The following ERBB4 variants were observed in gnomAD, a reference collection of about 807,000 sequenced individuals.
ERBB4 encodes the protein erb-b2 receptor tyrosine kinase 4.
Under a neutral mutation model 158.0 loss-of-function variants are expected in ERBB4, and 42 were observed. The ratio of observed to expected loss-of-function variants is 0.27; its 90% CI spans 0.21 to 0.34. The LOEUF (loss-of-function observed/expected upper bound fraction) is 0.34. Ranked by LOEUF, ERBB4 falls within the 10% of genes least tolerant of loss-of-function variation. The pLI is 1.00. For synonymous variants in ERBB4, 583 were observed against 558.7 expected (o/e 1.04, Z -0.61); for missense variants, 1,333 against 1,624.1 (o/e 0.82, Z 3.08).
At chr2:212,171,439 T>A (rs2081515948) in intron 1 of ERBB4, among the ~76,000 whole-genome samples, 1 of 152,042 alleles carries the variant, frequency 6.6e-6, no homozygotes, top group Non-Finnish European at 1.5e-5. Flanking sequence ...TCCAGGGGAC[T>A]CTTTGGAAGG....
intron 1 of ERBB4, among the ~76,000 whole-genome samples, chr2:212,525,204 ATAAACAG>A (rs955948563): frequency 1.3e-5 from 2 of 152,088 alleles, no homozygotes; most frequent in Non-Finnish European, 2.9e-5. Flanking sequence ...AAAGAAAAAA[ATAAACAG>A]TAAAGTTATT....
At chr2:212,452,601 T>A (rs1487315442) in intron 1 of ERBB4, among the ~76,000 whole-genome samples, 1 of 152,166 alleles carries the variant, frequency 6.6e-6, no homozygotes, top group African/African-American at 2.4e-5. Context: ...ATCATTTTAA[T>A]GCACTCAGAC....
intron 3 of ERBB4, among the ~76,000 whole-genome samples, chr2:211,927,922 C>T (rs549855319): frequency 3.3e-5 from 5 of 152,102 alleles, no homozygotes; most frequent in African/African-American, 9.6e-5. Flanking sequence ...TCTCAAAAAA[C>T]AGCTTAATCT....
In ERBB4 at chr2:211,896,492, T is replaced by C. The variant is rs547004568; in HGVS notation, c.421+50938A>G. ...ACTGCTGTCATCCTGGTCCAAGATG[T>C]CCTCCTCTCTGATTTTTTTATTACT... On this transcript the variant is annotated intron_variant, in intron 3 of 27. Transcript: ENST00000342788. Among the ~76,000 whole-genome samples the C allele has an allele frequency of 9.2e-4, 140 of 152,252 alleles. 1 individual carries two copies. The South Asian group carries it at 0.028, about 31-fold the overall frequency.
intron 25 of ERBB4, among the ~76,000 whole-genome samples, chr2:211,394,214 CA>C (rs1359250347): frequency 6.6e-6 from 1 of 151,950 alleles, no homozygotes; most frequent in East Asian, 1.9e-4. Flanking sequence ...TTAGCACAGT[CA>C]AAAAAGAAAG....
chr2:212,134,277 T>G (rs958545273), intron 1 of ERBB4, among the ~76,000 whole-genome samples: 27 of 152,028 alleles, frequency 1.8e-4, no homozygotes, highest in African/African-American at 6.0e-4. Context: ...TCATATACAA[T>G]GATCATACAT....
intron 1 of ERBB4, among the ~76,000 whole-genome samples, chr2:212,537,898 G>T (rs1307248685): frequency 2.0e-5 from 3 of 152,180 alleles, no homozygotes; most frequent in Non-Finnish European, 2.9e-5. Flanking sequence ...GCCCGGGCTG[G>T]GCGCGAGTTG....
chr2:212,473,243 G>A (rs1689204256), intron 1 of ERBB4, among the ~76,000 whole-genome samples: 1 of 151,892 alleles, frequency 6.6e-6, no homozygotes, highest in Non-Finnish European at 1.5e-5. Context: ...AGGCTCGGGG[G>A]TGTGAATTAT....
chr2:211,757,123 C>T (rs11679952), intron 4 of ERBB4, among the ~76,000 whole-genome samples: 44,269 of 152,030 alleles, frequency 0.29, 7,351 homozygotes, highest in Middle Eastern at 0.37. Context: ...GTTAATACTT[C>T]CACTTGTTCT....
At chr2:212,503,643 G>A (rs1028844941) in intron 1 of ERBB4, among the ~76,000 whole-genome samples, 5 of 152,152 alleles carry the variant, frequency 3.3e-5, no homozygotes, top group African/African-American at 4.8e-5. Context: ...GCATACTCAG[G>A]AGCATATCAT....
chr2:211,619,643 C>T (rs2069523109), intron 18 of ERBB4, among the ~76,000 whole-genome samples: 1 of 152,014 alleles, frequency 6.6e-6, no homozygotes, highest in Non-Finnish European at 1.5e-5. Context: ...CTTTTTGAAG[C>T]TCAGTTGTAT....
chr2:212,342,021 G>A (rs2088744292), intron 1 of ERBB4, among the ~76,000 whole-genome samples: 1 of 152,166 alleles, frequency 6.6e-6, no homozygotes, highest in Non-Finnish European at 1.5e-5. Flanking sequence ...CACGTTGGGA[G>A]GTCAAGGCAG....
At chr2:212,377,282 T>C (rs1012343146) in intron 1 of ERBB4, among the ~76,000 whole-genome samples, 10 of 149,532 alleles carry the variant, frequency 6.7e-5, no homozygotes, top group Non-Finnish European at 8.9e-5. Flanking sequence ...AATATACATA[T>C]GTATATACAC....
At chr2:212,459,915 G>C (rs1347612737) in intron 1 of ERBB4, among the ~76,000 whole-genome samples, 4 of 152,234 alleles carry the variant, frequency 2.6e-5, no homozygotes, top group Non-Finnish European at 4.4e-5. Flanking sequence ...GACCCCTACT[G>C]ATATGATTTG....
chr2:211,552,860 G>C (rs189919681), intron 20 of ERBB4, among the ~76,000 whole-genome samples: 6 of 152,260 alleles, frequency 3.9e-5, no homozygotes, highest in Non-Finnish European at 8.8e-5. Flanking sequence ...TGAAAAGTTA[G>C]AATTTTTTCT....
chr2:211,472,208 A>G (rs1000114850), intron 20 of ERBB4, among the ~76,000 whole-genome samples: 2 of 151,906 alleles, frequency 1.3e-5, no homozygotes, highest in African/African-American at 4.8e-5. Context: ...GAATGTTAAG[A>G]GGGAAGGAAA....
chr2:212,055,445 C>T (rs1009551335), intron 2 of ERBB4, among the ~76,000 whole-genome samples: 1 of 152,212 alleles, frequency 6.6e-6, no homozygotes, highest in Non-Finnish European at 1.5e-5. Context: ...TCTCCCAACA[C>T]AGAGTCTGAG....
chr2:211,415,752 C>T (rs1038187614), intron 25 of ERBB4, among the ~76,000 whole-genome samples: 6 of 152,130 alleles, frequency 3.9e-5, no homozygotes, highest in African/African-American at 1.4e-4. Flanking sequence ...CATTCAATGA[C>T]TTAGAAATTG....
At chr2:212,409,015 A>G (rs113506624) in intron 1 of ERBB4, among the ~76,000 whole-genome samples, 1,819 of 152,312 alleles carry the variant, frequency 0.012, 36 homozygotes, top group African/African-American at 0.042. Flanking sequence ...CTCTTTACAG[A>G]TAATACAAAT....
Sources: gnomAD v4.1 joint callset for allele counts (sites outside exome capture counted in the v4.1 genomes callset) on GRCh38, gnomAD v4.1.1 for gene constraint, MANE v1.5 for transcripts, NCBI Gene and HGNC (gene_info 2026-07-23, HGNC 2026-07-21) for gene names.